The following FBXO43 variants were observed in gnomAD, a reference collection of about 807,000 sequenced individuals.
FBXO43 encodes F-box protein 43.
In FBXO43, 22 loss-of-function variants were observed where a neutral mutation model predicts 56.7. That is an observed-to-expected ratio of 0.39 (90% confidence interval 0.28 to 0.55). FBXO43 has a LOEUF of 0.55. Ranked by LOEUF, FBXO43 falls within the 20% of genes least tolerant of loss-of-function variation. The pLI, the probability that FBXO43 is intolerant of heterozygous loss-of-function variation, is 0.66. For synonymous variants in FBXO43, 306 were observed against 294.5 expected (o/e 1.04, Z -0.40); for missense variants, 733 against 814.9 (o/e 0.90, Z 1.22).
At position 100,145,110 on chromosome 8, in the gene FBXO43, C is replaced by A. The variant is rs1387007809; in HGVS notation, c.26G>T (p.Arg9Ile). 4 of 1,612,156 alleles carry A rather than the reference C, an allele frequency of 2.5e-6. No homozygotes were observed. The Middle Eastern group carries it at 4.9e-4, about 199-fold the overall frequency. ...TACGTAGGCTTCCAAACAAGAAATT[C>A]TCTCATCTTTGTCTTTAAAACTCAT... MSFKDKDE[R>I]ISCLEAYVTL... The change falls in exon 1 of 5, where the codon AGA becomes ATA. Residue 9 changes from arginine to isoleucine, a missense_variant. By Grantham distance (97) the Arg-to-Ile change is moderately conservative. Coordinates refer to ENST00000428847, the MANE Select transcript of FBXO43 (RefSeq NM_001029860.4).
At chr8:100,138,942 C>G (rs1782228341) in intron 2 of FBXO43, among the ~76,000 whole-genome samples, 1 of 152,200 alleles carries the variant, frequency 6.6e-6, no homozygotes, top group East Asian at 1.9e-4. Context: ...ATCGTTTGAA[C>G]ATTTTTAAAA....
chr8:100,141,915 C>G lies in FBXO43; in HGVS notation c.339G>C (p.Leu113=), dbSNP rs1198891429. Residue 113 remains leucine (L), a synonymous_variant, in exon 2 of 5, where the codon CTG becomes CTC. Transcript: ENST00000428847. ...GAGATTCTAAAGGATGTGTTAAGCC[C>G]AGGCCTGAAGTTTCAGGGTGCTCAT... The part of the protein sequence containing the change: ...LLYEHPETSG[L]GLTHPLESPT... 1 of 1,591,638 alleles carries G rather than the reference C, an allele frequency of 6.3e-7. No individual in the cohort carries two copies. The highest frequency in any genetic ancestry group is 8.5e-7 in the Non-Finnish European group (1 of 1,172,620).
intron 1 of FBXO43, among the ~76,000 whole-genome samples, chr8:100,144,713 C>CGA (rs1371720449): frequency 1.3e-5 from 2 of 151,214 alleles, no homozygotes; most frequent in Non-Finnish European, 2.9e-5. Context: ...GGGCGGATCA[C>CGA]GAGGTCAGGA....
At chr8:100,138,969 G>A (rs907194041) in intron 2 of FBXO43, among the ~76,000 whole-genome samples, 1 of 152,186 alleles carries the variant, frequency 6.6e-6, no homozygotes, top group Non-Finnish European at 1.5e-5. Context: ...CAATATGGGT[G>A]CACTAATCTG....
chr8:100,133,721 G>T lies in FBXO43; in HGVS notation c.*81C>A. 1 of 1,380,622 alleles carries T rather than the reference G, an allele frequency of 7.2e-7. No homozygotes were observed. Among genetic ancestry groups the T allele is most frequent in the Non-Finnish European group, 9.8e-7 (1 of 1,018,542 alleles). The allele number at this position is 1,380,622 out of a possible 1,614,324, so 85.5% of individuals were successfully genotyped here. ...AATCATCACCTGTCATTAATGGGAA[G>T]ATTTGCATGTATTCAAAATATTCAT... On this transcript the variant is annotated 3_prime_UTR_variant, in exon 5 of 5. Coordinates refer to ENST00000428847, the MANE Select transcript of FBXO43 (RefSeq NM_001029860.4).
upstream of FBXO43, among the ~76,000 whole-genome samples, chr8:100,150,020 G>A (rs1282594439): frequency 6.6e-6 from 1 of 152,182 alleles, no homozygotes; most frequent in East Asian, 1.9e-4. Flanking sequence ...GAGGGCGGGT[G>A]AGTAGACAGC....
Position 100,145,342 on chromosome 8 carries a change from GGACTTA to G in FBXO43, c.-213_-208del. Reference sequence around the variant, plus strand: ...CTTAATATCCTTGTTTTCTCCAGCTGGACTTAGACATGAGTAAACTTCCCAAATTCG... The same window carrying G: ...CTTAATATCCTTGTTTTCTCCAGCTGGACATGAGTAAACTTCCCAAATTCG... On this transcript the variant is annotated 5_prime_UTR_variant, in exon 1 of 5. Transcript: ENST00000428847. 1 of 429,450 alleles carries G rather than the reference GGACTTA, an allele frequency of 2.3e-6. No individual in the cohort carries two copies. Among genetic ancestry groups the G allele is most frequent in the East Asian group, 3.7e-5 (1 of 27,082 alleles). 26.6% of individuals were successfully genotyped at this position (429,450 alleles called of 1,614,324 possible). A position where few individuals can be genotyped will look rare whatever the true frequency, so the allele number is the denominator to read the frequency against.
Position 100,142,064 on chromosome 8 carries a change from A to C in FBXO43, c.190T>G (p.Phe64Val). 6.2e-7 allele frequency: 1 copy of C among 1,613,986 alleles called. No homozygotes were observed. The highest frequency in any genetic ancestry group is 8.5e-7 in the Non-Finnish European group (1 of 1,179,942). The part of the protein sequence containing the change: ...PPIVNSKYST[F>V]RDFCSTSSFQ... Reference sequence around the variant, plus strand: ...GAAGATGTGGAACAAAAATCTCTGAAGGTGGAGTACTTGGAGTTGACAATT... The same window carrying C: ...GAAGATGTGGAACAAAAATCTCTGACGGTGGAGTACTTGGAGTTGACAATT... The change falls in exon 2 of 5, where the codon TTC becomes GTC. Residue 64 changes from phenylalanine (F) to valine (V), a missense_variant. Transcript: ENST00000428847.
At chr8:100,140,160 T>C (rs1408013661) in intron 2 of FBXO43, among the ~76,000 whole-genome samples, 1 of 152,228 alleles carries the variant, frequency 6.6e-6, no homozygotes, top group African/African-American at 2.4e-5. Flanking sequence ...ATATTATTGC[T>C]ACTTAAGCAG....
intron 1 of FBXO43, among the ~76,000 whole-genome samples, chr8:100,142,734 G>A (rs1235378727): frequency 4.6e-5 from 7 of 152,130 alleles, no homozygotes; most frequent in Non-Finnish European, 8.8e-5. Flanking sequence ...AACCATTCAC[G>A]AGATGTGAAT....
chr8:100,144,623 T>G lies in FBXO43; in HGVS notation c.85+428A>C, dbSNP rs1361993677. ...GAGAAAACTTATTCCTAAAGTGTTC[T>G]TTAAGAAAAAAAAAAAAAAAAGCAG... On this transcript the variant is annotated intron_variant, in intron 1 of 4. Coordinates refer to ENST00000428847, the MANE Select transcript of FBXO43 (RefSeq NM_001029860.4). Among the ~76,000 whole-genome samples the G allele has an allele frequency of 2.0e-5, 3 of 148,334 alleles. No individual in the cohort carries two copies. The East Asian group carries it at 5.9e-4, about 29-fold the overall frequency.
chr8:100,146,395 G>A (rs1586357428), upstream of FBXO43, among the ~76,000 whole-genome samples: 1 of 152,230 alleles, frequency 6.6e-6, no homozygotes, highest in East Asian at 1.9e-4. Context: ...CAAGGAATTT[G>A]AGACCAGCCT....
chr8:100,144,786 T>G (rs1264023433), intron 1 of FBXO43, among the ~76,000 whole-genome samples: 17 of 151,414 alleles, frequency 1.1e-4, no homozygotes, highest in East Asian at 1.9e-4. Flanking sequence ...AAAAAAATTA[T>G]CCGGGCGTGG....
At chr8:100,144,936 A>C in intron 1 of FBXO43, 115 bp downstream of exon 1, 1 of 1,300,038 alleles carries the variant, frequency 7.7e-7, no homozygotes, top group Non-Finnish European at 1.0e-6. Context: ...TCTCAAAAAA[A>C]AAAAAAGAAA....
At position 100,135,566 on chromosome 8, in the gene FBXO43, A is replaced by C. The variant is rs76277512; in HGVS notation, c.1675-1202T>G. ...GGGGGGAAAAGTACAGTTCTTTAAGAAACTGAGTTTTTAAAAAAGTGATTG... is the reference window on the plus strand; with the variant it reads ...GGGGGGAAAAGTACAGTTCTTTAAGCAACTGAGTTTTTAAAAAAGTGATTG... On this transcript the variant is annotated intron_variant, in intron 3 of 4. Transcript: ENST00000428847. Among the ~76,000 whole-genome samples the C allele has an allele frequency of 7.1e-4, 108 of 152,324 alleles. 1 individual carries two copies. Among genetic ancestry groups the C allele is most frequent in the Admixed American group, 2.4e-3 (36 of 15,294 alleles).
rs370368276 is a variant in FBXO43 at position 100,137,601 on chromosome 8, C to T, written c.1638G>A (p.Arg546=). 5.3e-4 allele frequency: 856 copies of T among 1,612,740 alleles called. 6 individuals carry two copies. In the South Asian group the frequency reaches 8.6e-3, roughly 16 times the overall value. ...TTTTCAGTTGTGTGATATAAAATTTCCTCCTCCGATTTGCATTTTTATCTT... is the reference window on the plus strand; with the variant it reads ...TTTTCAGTTGTGTGATATAAAATTTTCTCCTCCGATTTGCATTTTTATCTT... ...VVQDKNANRR[R]KFYITQLKTD... is the part of the protein sequence containing the mutation. The change falls in exon 3 of 5, where the codon AGG becomes AGA. Residue 546 remains arginine (R), a synonymous_variant. Coordinates refer to ENST00000428847, the MANE Select transcript of FBXO43 (RefSeq NM_001029860.4).
upstream of FBXO43, among the ~76,000 whole-genome samples, chr8:100,148,928 A>G (rs1037297883): frequency 2.6e-5 from 4 of 152,258 alleles, no homozygotes; most frequent in Non-Finnish European, 5.9e-5. Context: ...GGGAAAAAAT[A>G]GCAACTTGCA....
upstream of FBXO43, among the ~76,000 whole-genome samples, chr8:100,147,732 G>A (rs1294219386): frequency 6.6e-6 from 1 of 152,206 alleles, no homozygotes; most frequent in Non-Finnish European, 1.5e-5. Flanking sequence ...GACATGTTCA[G>A]TTGGCAGAAT....
upstream of FBXO43, among the ~76,000 whole-genome samples, chr8:100,146,969 TC>T (rs1187322494): frequency 2.0e-5 from 3 of 152,168 alleles, no homozygotes; most frequent in Non-Finnish European, 2.9e-5. Context: ...TGCCTCAGCC[TC>T]CCGAGTAGCT....
Sources: allele counts gnomAD v4.1 joint callset (sites outside exome capture counted in the v4.1 genomes callset), GRCh38; gene constraint gnomAD v4.1.1; transcripts MANE v1.5; gene names NCBI Gene and HGNC (gene_info 2026-07-23, HGNC 2026-07-21).